Variants in NMU observed in about 807,000 individuals in gnomAD.
The protein encoded by NMU is neuromedin U, also known as neuromedin-U.
In NMU, 29 loss-of-function variants were observed where a neutral mutation model predicts 35.4. The observed-to-expected ratio is 0.82, with a 90% confidence interval of 0.61 to 1.12. The LOEUF (loss-of-function observed/expected upper bound fraction) is 1.12. Ranked by LOEUF, NMU falls within the 50% of genes most tolerant of loss-of-function variation. The probability of loss-of-function intolerance (pLI) is 0.00; values close to 1 mark genes in which losing one functional copy is unlikely to be tolerated. For missense variants in NMU, 199 were observed against 206.2 expected, an observed-to-expected ratio of 0.97 and a Z score of 0.21; for synonymous variants, 78 against 81.3, an observed-to-expected ratio of 0.96 and a Z score of 0.22.
chr4:55,635,911 T>A (rs1164793010), intron 1 of NMU, among the ~76,000 whole-genome samples, 170 bp downstream of exon 1: 1 of 152,130 alleles, frequency 6.6e-6, no homozygotes, highest in Non-Finnish European at 1.5e-5. Flanking sequence ...CTAGTTGCCC[T>A]GGGGAGGCGA....
intron 1 of NMU, among the ~76,000 whole-genome samples, chr4:55,635,226 G>A (rs559573219): frequency 2.6e-5 from 4 of 152,154 alleles, no homozygotes; most frequent in African/African-American, 9.7e-5. Flanking sequence ...ACCTGCAAAC[G>A]TAAGCTGTAA....
At chr4:55,595,643 A>ATATATTT (rs1258986050) in intron 9 of NMU, among the ~76,000 whole-genome samples, 9 of 66,382 alleles carry the variant, frequency 1.4e-4, no homozygotes, top group African/African-American at 1.9e-4. Flanking sequence ...ATATATATAT[A>ATATATTT]TTTTTTTTTT....
At chr4:55,603,303 C>A (rs1013581321) in intron 7 of NMU, among the ~76,000 whole-genome samples, 5 of 151,908 alleles carry the variant, frequency 3.3e-5, no homozygotes, top group South Asian at 2.1e-4. Context: ...TGAGCCACTG[C>A]GCCCAGCCTG....
At chr4:55,604,606 T>C (rs1207019005) in intron 7 of NMU, among the ~76,000 whole-genome samples, 1 of 146,154 alleles carries the variant, frequency 6.8e-6, no homozygotes, top group Admixed American at 6.9e-5. Context: ...CTCTGCCTCC[T>C]GGGTTCAAGC....
Position 55,609,200 on chromosome 4 carries a change from T to C in NMU, c.220-21A>G, listed in dbSNP as rs1175023907. 3.2e-6 allele frequency: 5 copies of C among 1,583,962 alleles called. No homozygotes were observed. The Admixed American group carries it at 5.0e-5, about 16-fold the overall frequency. ...GATGCCTAACAGAAATGAGAAGATA[T>C]GTAAGTTATGCTTCTGCTTTAACGA... On this transcript the variant is annotated intron_variant, in intron 3 of 9. Transcript: ENST00000264218.
intron 1 of NMU, among the ~76,000 whole-genome samples, chr4:55,634,847 T>G (rs1419872196): frequency 6.6e-6 from 1 of 152,154 alleles, no homozygotes; most frequent in Non-Finnish European, 1.5e-5. Context: ...CAAGTTATCT[T>G]GCTTTTCAAG....
At chr4:55,630,566 A>G in intron 1 of NMU, 106 bp from the exon 2 acceptor site, 1 of 812,154 alleles carries the variant, frequency 1.2e-6, no homozygotes, top group Non-Finnish European at 2.1e-6. Flanking sequence ...TTCACTGTAC[A>G]TCATCACCCA....
chr4:55,618,071 T>A (rs529980925), intron 2 of NMU, among the ~76,000 whole-genome samples: 41 of 152,310 alleles, frequency 2.7e-4, no homozygotes, highest in Admixed American at 1.1e-3. Context: ...TCTAATGGTT[T>A]TGAATGCCAC....
At chr4:55,634,007 G>C (rs937849244) in intron 1 of NMU, among the ~76,000 whole-genome samples, 3 of 151,986 alleles carry the variant, frequency 2.0e-5, no homozygotes, top group East Asian at 1.9e-4. Context: ...CTTTATCTTC[G>C]CATGGCCATT....
At chr4:55,614,261 T>G (rs1734035478) in intron 3 of NMU, among the ~76,000 whole-genome samples, 1 of 152,190 alleles carries the variant, frequency 6.6e-6, no homozygotes, top group African/African-American at 2.4e-5. Context: ...TATCATTTAT[T>G]TTGTATGTAT....
intron 3 of NMU, among the ~76,000 whole-genome samples, chr4:55,614,680 C>T (rs1245867236): frequency 6.6e-5 from 10 of 152,158 alleles, no homozygotes; most frequent in Admixed American, 3.9e-4. Flanking sequence ...GAAAGAGGCA[C>T]AGTACTGAAA....
intron 7 of NMU, among the ~76,000 whole-genome samples, 169 bp downstream of exon 7, chr4:55,605,106 G>C (rs1560514393): frequency 6.6e-6 from 1 of 152,140 alleles, no homozygotes; most frequent in South Asian, 2.1e-4. Context: ...AGGGCGGCTT[G>C]AACAATTCTC....
intron 4 of NMU, 65 bp from the exon 5 acceptor site, chr4:55,607,531 A>G: frequency 1.7e-6 from 1 of 580,488 alleles, no homozygotes; most frequent in African/African-American, 1.9e-5. Flanking sequence ...TATATACAGT[A>G]ATTTTATAAT....
chr4:55,595,651 T>TTG (rs1448364626), intron 9 of NMU, among the ~76,000 whole-genome samples: 8 of 144,798 alleles, frequency 5.5e-5, no homozygotes, highest in African/African-American at 2.0e-4. Context: ...ATATTTTTTT[T>TTG]TTTTTTTGAG....
chr4:55,603,772 C>A (rs968076268), intron 7 of NMU, among the ~76,000 whole-genome samples: 3 of 150,764 alleles, frequency 2.0e-5, no homozygotes, highest in Admixed American at 1.3e-4. Flanking sequence ...ATTAGCCGGG[C>A]GTAGCGGCGG....
Position 55,607,364 on chromosome 4 carries a change from A to G in NMU, c.310-16T>C, listed in dbSNP as rs2110191130. 1.9e-6 allele frequency: 3 copies of G among 1,576,102 alleles called. No individual in the cohort carries two copies. The highest frequency in any genetic ancestry group is 1.7e-6 in the Non-Finnish European group (2 of 1,146,292). ...GAAATAAGAACTGTTTAAAAAAAGC[A>G]GTAAGTTTTACTATAAAAATTAATG... On this transcript the variant is annotated splice_polypyrimidine_tract_variant and intron_variant, in intron 5 of 9. Coordinates refer to ENST00000264218, the MANE Select transcript of NMU (RefSeq NM_006681.4).
intron 2 of NMU, among the ~76,000 whole-genome samples, chr4:55,624,196 C>T (rs2110207373): frequency 7.1e-6 from 1 of 141,722 alleles, no homozygotes; most frequent in African/African-American, 2.6e-5. Flanking sequence ...AGAGCTTCTG[C>T]ACAGCAAAAG....
chr4:55,627,795 G>A (rs2110210623), intron 2 of NMU, among the ~76,000 whole-genome samples: 1 of 152,314 alleles, frequency 6.6e-6, no homozygotes, highest in East Asian at 1.9e-4. Context: ...ATTCATTGCA[G>A]TTATAGACTA....
intron 3 of NMU, among the ~76,000 whole-genome samples, chr4:55,610,063 G>T (rs1577945716): frequency 6.6e-6 from 1 of 152,178 alleles, no homozygotes; most frequent in Non-Finnish European, 1.5e-5. Flanking sequence ...CGTTTCTTCA[G>T]CTCTAAGTCG....
Sources: allele counts gnomAD v4.1 joint callset (sites outside exome capture counted in the v4.1 genomes callset), GRCh38; gene constraint gnomAD v4.1.1; transcripts MANE v1.5; gene names NCBI Gene and HGNC (gene_info 2026-07-23, HGNC 2026-07-21).